Variants in GNA12 observed in about 807,000 individuals in gnomAD.
GNA12 encodes guanine nucleotide-binding protein subunit alpha-12.
GNA12 carries 9 observed loss-of-function variants against 26.0 expected under a neutral mutation model. That is an observed-to-expected ratio of 0.35 (90% CI 0.21 to 0.60). The LOEUF is 0.60. Ranked by LOEUF, GNA12 falls within the 20% of genes least tolerant of loss-of-function variation. GNA12 has a pLI of 0.78. For synonymous variants in GNA12, 264 were observed against 219.6 expected (o/e 1.20, Z -1.79); for missense variants, 405 against 525.8 (o/e 0.77, Z 2.25).
intron 1 of GNA12, among the ~76,000 whole-genome samples, chr7:2,830,719 A>G (rs1793586408): frequency 6.6e-6 from 1 of 152,212 alleles, no homozygotes; most frequent in Non-Finnish European, 1.5e-5. Flanking sequence ...GTAAAGCCCA[A>G]CCTGACCTTA....
chr7:2,843,810 C>G, intron 1 of GNA12, 43 bp downstream of exon 1: 1 of 1,208,746 alleles, frequency 8.3e-7, no homozygotes, highest in Non-Finnish European at 1.1e-6. Context: ...GTTAGCGCCC[C>G]GGCCCACCTG....
At chr7:2,799,955 G>T (rs1409330178) in intron 1 of GNA12, among the ~76,000 whole-genome samples, 3 of 152,204 alleles carry the variant, frequency 2.0e-5, no homozygotes, top group Non-Finnish European at 4.4e-5. Context: ...GCACAAACTA[G>T]AAAACAGTTG....
At chr7:2,792,184 C>T (rs556732768) in intron 2 of GNA12, among the ~76,000 whole-genome samples, 26 of 152,294 alleles carry the variant, frequency 1.7e-4, no homozygotes, top group Middle Eastern at 3.4e-3. Flanking sequence ...TGCTATATCC[C>T]CAGCATGTAG....
intron 2 of GNA12, among the ~76,000 whole-genome samples, chr7:2,734,658 C>T (rs1206324230): frequency 6.6e-6 from 1 of 152,202 alleles, no homozygotes; most frequent in South Asian, 2.1e-4. Context: ...AGAGGAAGCT[C>T]CTTCAGGGAG....
At chr7:2,778,013 A>G (rs1172719016) in intron 2 of GNA12, among the ~76,000 whole-genome samples, 1 of 152,200 alleles carries the variant, frequency 6.6e-6, no homozygotes, top group Non-Finnish European at 1.5e-5. Context: ...CAAACAGCAA[A>G]TCACAACTGC....
chr7:2,753,154 C>CT (rs34424525), intron 2 of GNA12, among the ~76,000 whole-genome samples: 4,085 of 147,222 alleles, frequency 0.028, 115 homozygotes, highest in Middle Eastern at 0.076. Flanking sequence ...CAGCATGCGG[C>CT]TTTTTTTTTT....
At chr7:2,824,121 G>A (rs182267736) in intron 1 of GNA12, among the ~76,000 whole-genome samples, 2 of 152,214 alleles carry the variant, frequency 1.3e-5, no homozygotes, top group East Asian at 3.9e-4. Context: ...GGATCTGACC[G>A]CTTCCCAGCA....
Position 2,839,940 on chromosome 7 carries a change from G to A in GNA12, c.309+3913C>T, listed in dbSNP as rs368342712. On this transcript the variant is annotated intron_variant, in intron 1 of 3. Coordinates refer to ENST00000275364, the MANE Select transcript of GNA12 (RefSeq NM_007353.3). ...CTTGAACCCCGGGGCGGAGGTTGCA[G>A]TGAGCTGAGATTGTGCCACTGCACT... Among the ~76,000 whole-genome samples the A allele has an allele frequency of 1.8e-4, 27 of 152,294 alleles. No individual in the cohort carries two copies. The East Asian group carries it at 2.5e-3, about 14-fold the overall frequency.
chr7:2,771,014 G>T (rs1369345550), intron 2 of GNA12, among the ~76,000 whole-genome samples: 1 of 152,182 alleles, frequency 6.6e-6, no homozygotes, highest in Non-Finnish European at 1.5e-5. Flanking sequence ...GAAAAGGCCA[G>T]GCGCCGTGGC....
intron 1 of GNA12, among the ~76,000 whole-genome samples, chr7:2,842,786 C>T (rs571301953): frequency 6.6e-6 from 1 of 152,276 alleles, no homozygotes; most frequent in African/African-American, 2.4e-5. Flanking sequence ...AATGGTACTG[C>T]GGTTGTGTTT....
chr7:2,769,317 C>A (rs1207804008), intron 2 of GNA12, among the ~76,000 whole-genome samples: 2 of 152,342 alleles, frequency 1.3e-5, no homozygotes, highest in South Asian at 2.1e-4. Flanking sequence ...CTACTACCAT[C>A]AACATTGCAG....
At chr7:2,818,335 C>T (rs1350693892) in intron 1 of GNA12, among the ~76,000 whole-genome samples, 8 of 152,336 alleles carry the variant, frequency 5.3e-5, no homozygotes, top group Non-Finnish European at 8.8e-5. Flanking sequence ...CGGCGGCACC[C>T]ATCAGTGTCA....
chr7:2,739,831 C>G (rs553276857), intron 2 of GNA12, among the ~76,000 whole-genome samples: 1 of 152,312 alleles, frequency 6.6e-6, no homozygotes, highest in African/African-American at 2.4e-5. Flanking sequence ...GCCACCAAAC[C>G]TGGCTAATTT....
At chr7:2,741,028 G>C (rs1165842922) in intron 2 of GNA12, among the ~76,000 whole-genome samples, 1 of 151,732 alleles carries the variant, frequency 6.6e-6, no homozygotes, top group East Asian at 1.9e-4. Context: ...CTGGGCGACA[G>C]AGCGAGACTC....
At chr7:2,828,752 C>A (rs956499926) in intron 1 of GNA12, among the ~76,000 whole-genome samples, 2 of 152,196 alleles carry the variant, frequency 1.3e-5, no homozygotes, top group Admixed American at 1.3e-4. Flanking sequence ...AGTGGATATA[C>A]CCATATGAAA....
rs897155406 is a variant in GNA12 at position 2,825,640 on chromosome 7, G to A, written c.309+18213C>T. On this transcript the variant is annotated intron_variant, in intron 1 of 3. Coordinates refer to ENST00000275364, the MANE Select transcript of GNA12 (RefSeq NM_007353.3). ...TGAGAAGGTATCGAGCTGATGGGAG[G>A]CTGAGGGCCGCTATAGTTTTGTAAA... is the stretch of plus-strand genomic sequence containing the variant. 2.6e-5 allele frequency among the ~76,000 whole-genome samples: 4 copies of A among 152,192 alleles called. No homozygotes were observed. The East Asian group carries it at 7.7e-4, about 29-fold the overall frequency.
intron 2 of GNA12, among the ~76,000 whole-genome samples, chr7:2,788,296 C>A (rs1022309074): frequency 2.6e-5 from 4 of 152,226 alleles, no homozygotes; most frequent in Non-Finnish European, 5.9e-5. Context: ...TGAGTCCACG[C>A]CGCACAGCCT....
chr7:2,838,556 C>T (rs1160220409), intron 1 of GNA12, among the ~76,000 whole-genome samples: 1 of 152,058 alleles, frequency 6.6e-6, no homozygotes, highest in Non-Finnish European at 1.5e-5. Context: ...TGCGCTTCAG[C>T]CTAGGCAATA....
chr7:2,821,269 G>A (rs914048133), intron 1 of GNA12, among the ~76,000 whole-genome samples: 22 of 152,170 alleles, frequency 1.4e-4, no homozygotes, highest in East Asian at 1.9e-4. Context: ...GAGACTCTCC[G>A]CCTGTTCAAC....
Sources: gnomAD v4.1 joint callset for allele counts (sites outside exome capture counted in the v4.1 genomes callset) on GRCh38, gnomAD v4.1.1 for gene constraint, MANE v1.5 for transcripts, NCBI Gene and HGNC (gene_info 2026-07-23, HGNC 2026-07-21) for gene names.